The following FOXP1 variants were observed in gnomAD, a reference collection of about 807,000 sequenced individuals.
The protein encoded by FOXP1 is forkhead box P1, also known as forkhead box protein P1.
FOXP1 carries 15 observed loss-of-function variants against 98.2 expected under a neutral mutation model. The ratio of observed to expected loss-of-function variants is 0.15; its 90% CI spans 0.10 to 0.24. The LOEUF is 0.24. Among genes scored for constraint, FOXP1 ranks in the 10% least tolerant of loss-of-function variants. The pLI is 1.00. For synonymous variants in FOXP1, 371 were observed against 314.5 expected (o/e 1.18, Z -1.90); for missense variants, 633 against 848.5 (o/e 0.75, Z 3.15).
At chr3:71,056,968 G>C (rs966686261) in intron 7 of FOXP1, among the ~76,000 whole-genome samples, 1 of 152,140 alleles carries the variant, frequency 6.6e-6, no homozygotes, top group Non-Finnish European at 1.5e-5. Context: ...CAGTACCAGC[G>C]AGAGGCTATT....
At chr3:70,978,381 C>CAAAG (rs952086166) in intron 14 of FOXP1, among the ~76,000 whole-genome samples, 8 of 152,168 alleles carry the variant, frequency 5.3e-5, no homozygotes, top group African/African-American at 1.7e-4. Flanking sequence ...TTGTCAACCT[C>CAAAG]AAAGAGGGAG....
intron 6 of FOXP1, among the ~76,000 whole-genome samples, chr3:71,155,608 T>C (rs1355704977): frequency 2.0e-5 from 3 of 152,190 alleles, no homozygotes; most frequent in Non-Finnish European, 4.4e-5. Context: ...TAAACAGCAC[T>C]GAAAGAAATC....
intron 3 of FOXP1, among the ~76,000 whole-genome samples, chr3:71,420,998 T>C (rs2083599694): frequency 6.6e-6 from 1 of 152,152 alleles, no homozygotes; most frequent in Non-Finnish European, 1.5e-5. Flanking sequence ...CAAGTTTTTT[T>C]ACATTCCTCT....
rs137966165 is a variant in FOXP1, at chr3:71,070,292, A to G, written c.283-16519T>C. Among the ~76,000 whole-genome samples the G allele has an allele frequency of 9.8e-4, 149 of 152,270 alleles. 1 individual carries two copies. The Middle Eastern group carries it at 0.01, about 10-fold the overall frequency. ...TCACAGCAGGGGAGTGCCAAACTCGATATTTTAGCTCACCTAAGAGAACAA... is the reference window on the plus strand; with the variant it reads ...TCACAGCAGGGGAGTGCCAAACTCGGTATTTTAGCTCACCTAAGAGAACAA... On this transcript the variant is annotated intron_variant, in intron 7 of 20. Transcript: ENST00000649528.
intron 3 of FOXP1, among the ~76,000 whole-genome samples, chr3:71,391,173 A>G (rs1041155623): frequency 2.0e-5 from 3 of 152,220 alleles, no homozygotes; most frequent in Admixed American, 6.5e-5. Context: ...ACATATTTCC[A>G]ATTCTAGATT....
intron 2 of FOXP1, among the ~76,000 whole-genome samples, chr3:71,554,443 G>A (rs1016734308): frequency 2.0e-5 from 3 of 152,052 alleles, no homozygotes; most frequent in Non-Finnish European, 4.4e-5. Flanking sequence ...ACTTTTTAAT[G>A]GAATTCATAA....
chr3:71,565,766 C>T (rs1299969073), intron 2 of FOXP1, among the ~76,000 whole-genome samples: 4 of 152,054 alleles, frequency 2.6e-5, no homozygotes, highest in South Asian at 2.1e-4. Context: ...AAGATCTCTA[C>T]GCATAATGAT....
chr3:71,232,983 CTAA>C (rs924415886), intron 5 of FOXP1, among the ~76,000 whole-genome samples: 3 of 146,796 alleles, frequency 2.0e-5, no homozygotes, highest in Admixed American at 1.4e-4. Context: ...ACTACTACTA[CTAA>C]TAATAATAAA....
At chr3:71,327,927 T>C (rs1307652746) in intron 4 of FOXP1, among the ~76,000 whole-genome samples, 1 of 152,176 alleles carries the variant, frequency 6.6e-6, no homozygotes, top group African/African-American at 2.4e-5. Context: ...AAATCAGTAA[T>C]GTTCTCCCAG....
intron 2 of FOXP1, chr3:71,541,969 C>T (rs1005922897): frequency 3.8e-6 from 2 of 533,066 alleles, no homozygotes; most frequent in African/African-American, 3.9e-5. Flanking sequence ...CCGCGCGAGA[C>T]AGATTTTCAG....
intron 3 of FOXP1, among the ~76,000 whole-genome samples, chr3:71,437,374 T>A (rs1310352685): frequency 6.6e-6 from 1 of 152,070 alleles, no homozygotes; most frequent in Non-Finnish European, 1.5e-5. Flanking sequence ...ACCACTGCAC[T>A]CCAGCCTGAG....
At chr3:71,381,437 CTTTT>C (rs1171799165) in intron 3 of FOXP1, among the ~76,000 whole-genome samples, 5 of 77,698 alleles carry the variant, frequency 6.4e-5, no homozygotes, top group East Asian at 5.3e-4. Flanking sequence ...TGCGCCTGGC[CTTTT>C]TTTTTTTTTT....
At chr3:71,150,836 T>C (rs1428284073) in intron 6 of FOXP1, among the ~76,000 whole-genome samples, 1 of 152,300 alleles carries the variant, frequency 6.6e-6, no homozygotes, top group African/African-American at 2.4e-5. Context: ...GGTGTTTTGT[T>C]GTCTACCCCG....
chr3:71,467,907 T>A (rs1183960294), intron 3 of FOXP1, among the ~76,000 whole-genome samples: 2 of 152,156 alleles, frequency 1.3e-5, no homozygotes, highest in Non-Finnish European at 1.5e-5. Context: ...GAGCCACCAA[T>A]CCTGACAATC....
At chr3:71,111,026 G>T (rs2057875688) in intron 7 of FOXP1, among the ~76,000 whole-genome samples, 1 of 152,210 alleles carries the variant, frequency 6.6e-6, no homozygotes, top group Non-Finnish European at 1.5e-5. Context: ...ACTCTCTCTG[G>T]AAAGTGACAG....
chr3:70,975,615 A>T (rs915858689), intron 17 of FOXP1, among the ~76,000 whole-genome samples: 1 of 152,232 alleles, frequency 6.6e-6, no homozygotes, highest in African/African-American at 2.4e-5. Flanking sequence ...TGTGTCCTAT[A>T]ACACATCCTT....
chr3:70,981,538 A>G (rs942599749), intron 14 of FOXP1, among the ~76,000 whole-genome samples: 17 of 152,334 alleles, frequency 1.1e-4, no homozygotes, highest in African/African-American at 3.8e-4. Context: ...CCCACCATCA[A>G]TGTGCAGTGG....
intron 12 of FOXP1, among the ~76,000 whole-genome samples, chr3:71,012,015 T>G (rs188577294): frequency 1.3e-5 from 2 of 152,142 alleles, no homozygotes; most frequent in Admixed American, 6.6e-5. Flanking sequence ...AACCTATGAT[T>G]TGAGGATTTT....
rs1018433565 is a variant in FOXP1, at chr3:71,448,456, G to C, written c.-168+44970C>G. On this transcript the variant is annotated intron_variant, in intron 3 of 20. Transcript: ENST00000649528. ...TAATAATATCCCTGGACAATTAATG[G>C]AACATAGCAAAGACTACACAGTGGT... Among the ~76,000 whole-genome samples the C allele has an allele frequency of 3.3e-5, 5 of 152,140 alleles. No individual in the cohort carries two copies. The East Asian group carries it at 9.6e-4, about 29-fold the overall frequency.
Sources: allele counts gnomAD v4.1 joint callset (sites outside exome capture counted in the v4.1 genomes callset), GRCh38; gene constraint gnomAD v4.1.1; transcripts MANE v1.5; gene names NCBI Gene and HGNC (gene_info 2026-07-23, HGNC 2026-07-21).